The following NLGN1 variants were observed in gnomAD, a reference collection of about 807,000 sequenced individuals.
NLGN1 encodes the protein neuroligin-1.
A neutral mutation model predicts 65.5 loss-of-function variants in NLGN1; 12 were observed. The ratio of observed to expected loss-of-function variants is 0.18; its 90% CI spans 0.12 to 0.30. The LOEUF (loss-of-function observed/expected upper bound fraction) is 0.30, where lower values mean the gene tolerates loss of function less well. NLGN1 is among the 10% of genes least tolerant of loss of function. The pLI, the probability that NLGN1 is intolerant of heterozygous loss-of-function variation, is 1.00. For synonymous variants in NLGN1, 350 were observed against 359.5 expected, an observed-to-expected ratio of 0.97 and a Z score of 0.30; for missense variants, 750 against 1,007.1, an observed-to-expected ratio of 0.74 and a Z score of 3.46.
At chr3:173,759,864 C>A (rs1039684871) in intron 3 of NLGN1, among the ~76,000 whole-genome samples, 12 of 151,842 alleles carry the variant, frequency 7.9e-5, no homozygotes, top group African/African-American at 2.7e-4. Context: ...TGTTATTTAT[C>A]TCCCAAATTG....
intron 4 of NLGN1, among the ~76,000 whole-genome samples, chr3:173,999,724 G>A (rs2152425246): frequency 6.6e-6 from 1 of 152,212 alleles, no homozygotes; most frequent in African/African-American, 2.4e-5. Context: ...TTTGCCCAAA[G>A]CTGGTATTAC....
intron 2 of NLGN1, among the ~76,000 whole-genome samples, chr3:173,504,749 C>T (rs911481731): frequency 6.6e-6 from 1 of 152,060 alleles, no homozygotes; most frequent in African/African-American, 2.4e-5. Flanking sequence ...CAGTCCTCTT[C>T]ATTGGTGATC....
At chr3:174,263,271 T>C (rs1303343164) in intron 4 of NLGN1, among the ~76,000 whole-genome samples, 1 of 146,954 alleles carries the variant, frequency 6.8e-6, no homozygotes, top group Non-Finnish European at 1.5e-5. Flanking sequence ...CTGTCTAATG[T>C]TGACAGTGGG....
intron 4 of NLGN1, among the ~76,000 whole-genome samples, chr3:174,095,771 C>T (rs542422002): frequency 5.3e-5 from 8 of 151,808 alleles, no homozygotes; most frequent in Non-Finnish European, 8.8e-5. Context: ...TGGCTGAGGC[C>T]GGTGGATCAC....
At chr3:174,265,865 A>T (rs1212263323) in intron 4 of NLGN1, among the ~76,000 whole-genome samples, 1 of 145,792 alleles carries the variant, frequency 6.9e-6, no homozygotes, top group Non-Finnish European at 1.5e-5. Context: ...GGTAAAGAGT[A>T]TTTTGTTATA....
chr3:173,663,306 A>G (rs952834298), intron 3 of NLGN1, among the ~76,000 whole-genome samples: 2 of 152,018 alleles, frequency 1.3e-5, no homozygotes, highest in Non-Finnish European at 2.9e-5. Flanking sequence ...AACAATGATT[A>G]TGTTAACAAT....
chr3:174,275,401 A>G lies in NLGN1; in HGVS notation c.733A>G (p.Ile245Val). Reference sequence around the variant, plus strand: ...AGCTTTAAGATGGACTAGTGAAAACATTGGATTCTTTGGTGGTGACCCCTT... The same window carrying G: ...AGCTTTAAGATGGACTAGTGAAAACGTTGGATTCTTTGGTGGTGACCCCTT... Residue 245 changes from isoleucine (I) to valine (V), a missense_variant, in exon 5 of 7, where the codon ATT (isoleucine) becomes GTT (valine). Ile to Val is a conservative substitution (Grantham distance 29). Transcript: ENST00000457714. 2 of 1,612,794 alleles carry G rather than the reference A, an allele frequency of 1.2e-6. No individual in the cohort carries two copies. Among genetic ancestry groups the G allele is most frequent in the Middle Eastern group, 3.3e-4 (2 of 6,056 alleles).
chr3:174,179,442 C>A (rs190323554), intron 4 of NLGN1, among the ~76,000 whole-genome samples: 8 of 152,134 alleles, frequency 5.3e-5, no homozygotes, highest in Admixed American at 5.2e-4. Flanking sequence ...CATCAGTATT[C>A]AGACAGCTTC....
chr3:174,023,207 C>T (rs573979532), intron 4 of NLGN1, among the ~76,000 whole-genome samples: 2 of 152,200 alleles, frequency 1.3e-5, no homozygotes, highest in East Asian at 3.9e-4. Context: ...GGAATATTCT[C>T]TTTGCTCTAC....
At chr3:174,078,397 G>A (rs1192444747) in intron 4 of NLGN1, among the ~76,000 whole-genome samples, 1 of 152,162 alleles carries the variant, frequency 6.6e-6, no homozygotes, top group Non-Finnish European at 1.5e-5. Flanking sequence ...CTGTCCATTG[G>A]AAGGGTTCTA....
At chr3:174,190,977 C>T (rs1038156659) in intron 4 of NLGN1, among the ~76,000 whole-genome samples, 1 of 151,968 alleles carries the variant, frequency 6.6e-6, no homozygotes, top group Non-Finnish European at 1.5e-5. Flanking sequence ...CTATTCTCTC[C>T]TCTTTCTAAT....
chr3:173,747,442 T>C (rs1775639045), intron 3 of NLGN1, among the ~76,000 whole-genome samples: 1 of 148,770 alleles, frequency 6.7e-6, no homozygotes, highest in Admixed American at 6.8e-5. Context: ...GCCTGGCACA[T>C]ATTTAGAATA....
intron 4 of NLGN1, among the ~76,000 whole-genome samples, chr3:174,236,225 GT>G (rs1741680731): frequency 1.3e-5 from 2 of 152,164 alleles, no homozygotes; most frequent in Non-Finnish European, 2.9e-5. Context: ...GATACATGTG[GT>G]TCAATACCAG....
At chr3:173,479,239 T>C (rs768817220) in intron 2 of NLGN1, among the ~76,000 whole-genome samples, 7 of 152,074 alleles carry the variant, frequency 4.6e-5, no homozygotes, top group Non-Finnish European at 8.8e-5. Context: ...AGAACTAGAA[T>C]ACAGGTGGCT....
intron 3 of NLGN1, among the ~76,000 whole-genome samples, chr3:173,794,850 T>C (rs1358220584): frequency 6.6e-6 from 1 of 152,190 alleles, no homozygotes; most frequent in Non-Finnish European, 1.5e-5. Context: ...TGTTATGTAA[T>C]CAAGGTAATT....
At chr3:174,184,635 C>T (rs968445112) in intron 4 of NLGN1, among the ~76,000 whole-genome samples, 7 of 152,150 alleles carry the variant, frequency 4.6e-5, no homozygotes, top group Admixed American at 4.6e-4. Flanking sequence ...TGCCTACATG[C>T]TCAGCACTGC....
chr3:173,982,272 A>C (rs1718942225), intron 4 of NLGN1, among the ~76,000 whole-genome samples: 2 of 152,162 alleles, frequency 1.3e-5, no homozygotes, highest in Non-Finnish European at 2.9e-5. Context: ...AAAATACTTA[A>C]TTCTGTTGAG....
chr3:174,080,549 C>T (rs974453501), intron 4 of NLGN1, among the ~76,000 whole-genome samples: 6 of 152,134 alleles, frequency 3.9e-5, no homozygotes, highest in Admixed American at 2.6e-4. Context: ...TGGGCTGGCA[C>T]ATGTGCAGTG....
chr3:173,976,855 G>A (rs1394590389), intron 4 of NLGN1, among the ~76,000 whole-genome samples: 1 of 151,840 alleles, frequency 6.6e-6, no homozygotes, highest in Non-Finnish European at 1.5e-5. Context: ...TTAGCCTCTT[G>A]CCAATTTACT....
Sources: gnomAD v4.1 joint callset for allele counts (sites outside exome capture counted in the v4.1 genomes callset) on GRCh38, gnomAD v4.1.1 for gene constraint, MANE v1.5 for transcripts, NCBI Gene and HGNC (gene_info 2026-07-23, HGNC 2026-07-21) for gene names.